The following PMS1 variants were observed in gnomAD, a reference collection of about 807,000 sequenced individuals.
PMS1 encodes the protein PMS1 protein homolog 1.
In PMS1, 79 loss-of-function variants were observed where a neutral mutation model predicts 93.1. That is an observed-to-expected ratio of 0.85 (90% CI 0.71 to 1.02). The LOEUF is 1.02. PMS1 is among the 50% of genes least tolerant of loss of function. The pLI is 0.00. For missense variants in PMS1, 1,064 were observed against 1,085.3 expected, an observed-to-expected ratio of 0.98 and a Z score of 0.28; for synonymous variants, 335 against 363.4, an observed-to-expected ratio of 0.92 and a Z score of 0.89.
Position 189,854,918 on chromosome 2 carries a change from A to T in PMS1, c.1646A>T (p.Lys549Ile). 6.2e-7 allele frequency: 1 copy of T among 1,603,416 alleles called. No homozygotes were observed. The highest frequency in any genetic ancestry group is 1.3e-5 in the African/African-American group (1 of 74,652). Residue 549 changes from lysine (K) to isoleucine (I), a missense_variant, in exon 9 of 13, where the codon AAA (lysine) becomes ATA (isoleucine). By Grantham distance (102) the Lys-to-Ile change is moderately radical (BLOSUM62 -3). Coordinates refer to ENST00000441310, the MANE Select transcript of PMS1 (RefSeq NM_000534.5). ...MNLNEDSCNKKSNVIDNKSGK... is the reference protein window; with the variant it reads ...MNLNEDSCNKISNVIDNKSGK... ...CTTAATGAAGATTCATGTAACAAAA[A>T]ATCAAATGTAATAGATAATAAATCT...
rs1482398114 is a variant in PMS1, at chr2:189,786,803, G to A, written c.-21+2210G>A. Among the ~76,000 whole-genome samples, 4 of 152,308 alleles carry A rather than the reference G, an allele frequency of 2.6e-5. No homozygotes were observed. The East Asian group carries it at 7.7e-4, about 29-fold the overall frequency. Reference sequence around the variant, plus strand: ...GTGGTGGCTCACGCCTGTAATCCCAGCACTTTGGGAGGCCGAGGCGGGCGG... The same window carrying A: ...GTGGTGGCTCACGCCTGTAATCCCAACACTTTGGGAGGCCGAGGCGGGCGG... On this transcript the variant is annotated intron_variant, in intron 1 of 12. Coordinates refer to ENST00000441310, the MANE Select transcript of PMS1 (RefSeq NM_000534.5).
At position 189,854,743 on chromosome 2, in the gene PMS1, TC is replaced by T; in HGVS notation, c.1472del (p.Ser491TrpfsTer25). 1 of 1,613,914 alleles carries T rather than the reference TC, an allele frequency of 6.2e-7. No homozygotes were observed. Among genetic ancestry groups the T allele is most frequent in the Non-Finnish European group, 8.5e-7 (1 of 1,179,896 alleles). The stretch of plus-strand genomic sequence containing the variant: ...GGAAGAAGCAGGTCTTGAAAACTCT[TC>T]GGAAATTTCTGCAGATGAGTGGAGC... ...NEEEAGLENS[S>X]EISADEWSRG... is the part of the protein sequence containing the mutation. On this transcript the variant is annotated frameshift_variant, in exon 9 of 13. Transcript: ENST00000441310. LOFTEE classifies it high-confidence loss of function.
chr2:189,809,805 C>G (rs1481770646), intron 4 of PMS1, among the ~76,000 whole-genome samples: 1 of 152,154 alleles, frequency 6.6e-6, no homozygotes, highest in Non-Finnish European at 1.5e-5. Flanking sequence ...GCACTCCAGC[C>G]TGGGCAACAA....
intron 11 of PMS1, among the ~76,000 whole-genome samples, chr2:189,871,823 C>T (rs1021478136): frequency 2.6e-5 from 4 of 152,270 alleles, no homozygotes; most frequent in African/African-American, 2.4e-5. Flanking sequence ...TTATTTGGCT[C>T]ATGGTTCTGC....
At chr2:189,836,650 A>G (rs1310381174) in intron 5 of PMS1, among the ~76,000 whole-genome samples, 1 of 152,214 alleles carries the variant, frequency 6.6e-6, no homozygotes, top group African/African-American at 2.4e-5. Context: ...TAGTTGCCCA[A>G]TGAGAAGATT....
intron 11 of PMS1, among the ~76,000 whole-genome samples, chr2:189,873,040 A>G (rs2057286482): frequency 1.3e-5 from 2 of 152,228 alleles, no homozygotes; most frequent in Non-Finnish European, 2.9e-5. Context: ...CTTCTAATTA[A>G]TAATATCTCC....
intron 7 of PMS1, among the ~76,000 whole-genome samples, chr2:189,853,164 C>G (rs1487195394): frequency 6.6e-6 from 1 of 152,020 alleles, no homozygotes; most frequent in East Asian, 1.9e-4. Flanking sequence ...AGCAATTCGC[C>G]TGCCTCAGCC....
intron 5 of PMS1, among the ~76,000 whole-genome samples, chr2:189,820,424 A>G (rs998670974): frequency 3.3e-5 from 5 of 151,996 alleles, no homozygotes; most frequent in African/African-American, 1.2e-4. Context: ...CAGCCTCCTG[A>G]GTAGCTGGGG....
rs186864865 is a variant in PMS1, at chr2:189,802,624, C to T, written c.316-3028C>T. 2.0e-5 allele frequency among the ~76,000 whole-genome samples: 3 copies of T among 152,252 alleles called. No individual in the cohort carries two copies. The East Asian group carries it at 5.8e-4, about 29-fold the overall frequency. On this transcript the variant is annotated intron_variant, in intron 3 of 12. Transcript: ENST00000441310. ...TTTTGTATCACCTCACATTAAGCCT[C>T]CAGGGCTTAGAGGAGCAGAATGAGA...
chr2:189,849,463 CTTTTT>C (rs1024785425), intron 6 of PMS1, among the ~76,000 whole-genome samples: 5 of 151,922 alleles, frequency 3.3e-5, no homozygotes, highest in Non-Finnish European at 7.4e-5. Context: ...CGCTACTTTT[CTTTTT>C]TAAGAAGCAT....
rs1420621561 is a variant in PMS1, at chr2:189,826,473, C to A, written c.582+8293C>A. Among the ~76,000 whole-genome samples the A allele has an allele frequency of 1.4e-5, 2 of 146,556 alleles. 1 individual carries two copies. On this transcript the variant is annotated intron_variant, in intron 5 of 12. Transcript: ENST00000441310. ...GTCTTTTTTTTTTTTTTGCTACTTA[C>A]AAATTAATGATTACTAAATTTATTA...
intron 3 of PMS1, 108 bp from the exon 4 acceptor site, chr2:189,805,544 A>G (rs1328724405): frequency 3.3e-6 from 3 of 907,890 alleles, no homozygotes; most frequent in South Asian, 2.8e-5. Context: ...TATTAGGTAA[A>G]ATACGCTATT....
chr2:189,791,182 G>T (rs1320704723), intron 1 of PMS1, among the ~76,000 whole-genome samples: 1 of 151,930 alleles, frequency 6.6e-6, no homozygotes, highest in Non-Finnish European at 1.5e-5. Context: ...GGTATCAATA[G>T]AGGAATTGTT....
At chr2:189,852,520 CA>C in intron 6 of PMS1, 134 bp from the exon 7 acceptor site, 1 of 731,766 alleles carries the variant, frequency 1.4e-6, no homozygotes, top group South Asian at 1.7e-5. Flanking sequence ...ACATGATTAT[CA>C]GGAAGTATAT....
chr2:189,872,554 G>C (rs2106545315), intron 11 of PMS1, among the ~76,000 whole-genome samples: 1 of 152,266 alleles, frequency 6.6e-6, no homozygotes, highest in Non-Finnish European at 1.5e-5. Flanking sequence ...AGCCAAATCT[G>C]ATGCTTTGAA....
intron 5 of PMS1, among the ~76,000 whole-genome samples, chr2:189,835,906 C>CAAAAAA (rs3067429): frequency 1.1e-5 from 1 of 87,014 alleles, no homozygotes; most frequent in African/African-American, 3.9e-5. Flanking sequence ...TAGCCTGTCT[C>CAAAAAA]AAAAAAAAAA....
At chr2:189,863,642 A>G (rs1385563435) in intron 9 of PMS1, 101 bp from the exon 10 acceptor site, 5 of 849,004 alleles carry the variant, frequency 5.9e-6, no homozygotes, top group Admixed American at 2.1e-5. Flanking sequence ...TGTCATTACT[A>G]TATCTGGAAC....
intron 1 of PMS1, among the ~76,000 whole-genome samples, chr2:189,790,884 C>A (rs2048804388): frequency 6.6e-6 from 1 of 151,990 alleles, no homozygotes. Flanking sequence ...ATGGATAATT[C>A]CTGTAGGAAA....
chr2:189,800,304 T>G (rs1266314389), intron 3 of PMS1, among the ~76,000 whole-genome samples: 2 of 152,126 alleles, frequency 1.3e-5, no homozygotes, highest in African/African-American at 4.8e-5. Context: ...TTATAAAGTT[T>G]AAAAATACTT....
Sources: allele counts gnomAD v4.1 joint callset (sites outside exome capture counted in the v4.1 genomes callset), GRCh38; gene constraint gnomAD v4.1.1; transcripts MANE v1.5; gene names NCBI Gene and HGNC (gene_info 2026-07-23, HGNC 2026-07-21).